Variants in RPS15A observed in about 807,000 individuals in gnomAD.
The protein encoded by RPS15A is small ribosomal subunit protein uS8.
For synonymous variants in RPS15A, 55 were observed against 58.5 expected (o/e 0.94, Z 0.27); for missense variants, 62 against 163.4 (o/e 0.38, Z 3.38).
intron 4 of RPS15A, 141 bp downstream of exon 4, chr16:18,784,597 C>G: frequency 1.5e-6 from 1 of 668,194 alleles, no homozygotes; most frequent in Admixed American, 2.7e-5. Context: ...AACACTTGAG[C>G]TATTAGGTCA....
chr16:18,787,022 G>A (rs1269151336), intron 3 of RPS15A, among the ~76,000 whole-genome samples: 1 of 152,126 alleles, frequency 6.6e-6, no homozygotes, highest in Non-Finnish European at 1.5e-5. Flanking sequence ...CCGCCACTGC[G>A]CCTGGCTAGT....
intron 2 of RPS15A, chr16:18,788,493 CT>C (rs1209438434): frequency 0.042 from 7,484 of 179,822 alleles, no homozygotes; most frequent in South Asian, 0.12. Context: ...TCCTTTCTTT[CT>C]TTTTTTTTTT....
intron 4 of RPS15A, chr16:18,784,234 AC>A (rs1416530528): frequency 6.6e-6 from 1 of 151,896 alleles, no homozygotes; most frequent in East Asian, 2.0e-4. Context: ...AGCCTGGGCA[AC>A]AAAGTGAAAC....
chr16:18,786,254 A>C (rs1387691286), intron 3 of RPS15A: 1 of 228,178 alleles, frequency 4.4e-6, no homozygotes, highest in Non-Finnish European at 9.1e-6. Context: ...AATCTCAGCT[A>C]CTAGGGAGGC....
At chr16:18,783,236 C>T (rs949250814) in intron 4 of RPS15A, 134 bp from the exon 5 acceptor site, 7 of 616,100 alleles carry the variant, frequency 1.1e-5, no homozygotes, top group South Asian at 9.6e-5. Context: ...ACAGTGCCTA[C>T]ATGAGCTGGT....
intron 1 of RPS15A, among the ~76,000 whole-genome samples, chr16:18,789,437 C>G (rs2029975800): frequency 6.6e-6 from 1 of 152,220 alleles, no homozygotes. Flanking sequence ...CACAAGACAA[C>G]GTGAGAACTG....
In RPS15A at chr16:18,787,410, G is replaced by C. The variant is rs562979711; in HGVS notation, c.213+653C>G. Among the ~76,000 whole-genome samples the C allele has an allele frequency of 9.9e-5, 15 of 152,282 alleles. No individual in the cohort carries two copies. In the South Asian group the frequency reaches 3.1e-3, roughly 32 times the overall value. ...AAAACAATACAACAAAATAAGGCAG[G>C]TTGGACAAGCCTGAACTAGAGGATC... On this transcript the variant is annotated intron_variant, in intron 3 of 4. Transcript: ENST00000322989.
At chr16:18,787,708 G>A (rs1280920133) in intron 3 of RPS15A, among the ~76,000 whole-genome samples, 4 of 152,206 alleles carry the variant, frequency 2.6e-5, no homozygotes, top group Non-Finnish European at 4.4e-5. Flanking sequence ...ACATCACTGA[G>A]AGGAAGGACA....
At chr16:18,785,490 T>C (rs1315113882) in intron 3 of RPS15A, 2 of 152,156 alleles carry the variant, frequency 1.3e-5, no homozygotes, top group Non-Finnish European at 2.9e-5. Flanking sequence ...CTCAACTACA[T>C]GCCAGCCCTA....
Position 18,782,911 on chromosome 16 carries a change from C to A in RPS15A, c.*98G>T. 1 of 696,628 alleles carries A rather than the reference C, an allele frequency of 1.4e-6. No homozygotes were observed. The allele number at this position is 696,628 out of a possible 1,614,324, so 43.2% of individuals were successfully genotyped here. The stretch of plus-strand genomic sequence containing the variant: ...TAAACGAAGCAACTGCATGCTGCCG[C>A]AGAAGCTGTGGCTACACTGCTGTAA... On this transcript the variant is annotated 3_prime_UTR_variant, in exon 5 of 5. Transcript: ENST00000322989.
chr16:18,784,797 G>A lies in RPS15A; in HGVS notation c.240C>T (p.Asp80=), dbSNP rs368218356. 7.3e-5 allele frequency: 118 copies of A among 1,611,978 alleles called. No homozygotes were observed. Among genetic ancestry groups the A allele is most frequent in the Middle Eastern group, 1.6e-4 (1 of 6,068 alleles). Residue 80 remains aspartate, a synonymous_variant, in exon 4 of 5, where the codon GAC becomes GAT. Coordinates refer to ENST00000322989, the MANE Select transcript of RPS15A (RefSeq NM_001019.5). ...ATTTTTCCAGGTCTTTGAGTTGCAC[G>A]TCAAATCTGGGGCTGATCACCCCAC... ...NKCGVISPRF[D]VQLKDLEKWQ...
At chr16:18,788,408 C>A in intron 2 of RPS15A, 1 of 442,324 alleles carries the variant, frequency 2.3e-6, no homozygotes. Context: ...TTCCCATTCC[C>A]AAAGACTACT....
In RPS15A at chr16:18,782,937, A is replaced by C. The variant is rs532011624; in HGVS notation, c.*72T>G. The stretch of plus-strand genomic sequence containing the variant: ...AGAAGCTGTGGCTACACTGCTGTAA[A>C]GGCTCAAAACGACCAAGTGGAAGCA... On this transcript the variant is annotated 3_prime_UTR_variant, in exon 5 of 5. Coordinates refer to ENST00000322989, the MANE Select transcript of RPS15A (RefSeq NM_001019.5). The C allele has an allele frequency of 3.2e-4, 290 of 908,828 alleles. No homozygotes were observed. In the East Asian group the frequency reaches 6.6e-3, roughly 21 times the overall value. The allele number at this position is 908,828 out of a possible 1,614,324, so 56.3% of individuals were successfully genotyped here.
At position 18,781,395 on chromosome 16, in the gene RPS15A, G is replaced by C. The variant is rs1437530772; in HGVS notation, c.*1614C>G. 2.6e-5 allele frequency: 4 copies of C among 151,712 alleles called. No individual in the cohort carries two copies. The highest frequency in any genetic ancestry group is 9.7e-5 in the African/African-American group (4 of 41,274). 9.4% of individuals were successfully genotyped at this position (151,712 alleles called of 1,614,324 possible). A position where few individuals can be genotyped will look rare whatever the true frequency, so the allele number is the denominator to read the frequency against. ...GCGACTGAGGCATCCCTACACACCAGGTTTGCAGGCTAGGGACCAGAGACA... is the reference window on the plus strand; with the variant it reads ...GCGACTGAGGCATCCCTACACACCACGTTTGCAGGCTAGGGACCAGAGACA... On this transcript the variant is annotated 3_prime_UTR_variant, in exon 5 of 5. Transcript: ENST00000322989.
In RPS15A at chr16:18,790,236, G is replaced by A. The variant is rs2030006758; in HGVS notation, c.-6+8C>T. 1 of 152,626 alleles carries A rather than the reference G, an allele frequency of 6.6e-6. No individual in the cohort carries two copies. The highest frequency in any genetic ancestry group is 1.5e-5 in the Non-Finnish European group (1 of 68,370). The allele number at this position is 152,626 out of a possible 1,614,324, so 9.5% of individuals were successfully genotyped here. A position where few individuals can be genotyped will look rare whatever the true frequency, so the allele number is the denominator to read the frequency against. On this transcript the variant is annotated splice_region_variant and intron_variant, in intron 1 of 4. Transcript: ENST00000322989. ...GACCAGCCTCCTCGCAGGACACCGA[G>A]ACCGAACCTTAGATTGCAGGATGGC...
In RPS15A at chr16:18,788,100, C is replaced by T; in HGVS notation, c.176G>A (p.Gly59Glu). ...EFEIIDDHRA[G>E]KIVVNLTGRL... ...GCCTGTGAGGTTCACAACAATTTTC[C>T]CAGCTCTGTGGTCATCAATGATTTC... Residue 59 changes from glycine (G) to glutamate (E), a missense_variant, in exon 3 of 5, where the codon GGG (glycine) becomes GAG (glutamate). Physicochemically the swap from Gly to Glu is moderately conservative, Grantham distance 98 (BLOSUM62 -2). Coordinates refer to ENST00000322989, the MANE Select transcript of RPS15A (RefSeq NM_001019.5). 3.1e-6 allele frequency: 5 copies of T among 1,612,614 alleles called. No homozygotes were observed. The highest frequency in any genetic ancestry group is 4.2e-6 in the Non-Finnish European group (5 of 1,178,940).
chr16:18,783,113 GA>G lies in RPS15A; in HGVS notation c.300-12del. 1.3e-6 allele frequency: 2 copies of G among 1,569,404 alleles called. No individual in the cohort carries two copies. The highest frequency in any genetic ancestry group is 1.7e-6 in the Non-Finnish European group (2 of 1,143,172). ...GTCAGTACAATGAAACTATGGAGTG[GA>G]AAAAGAAAGTGCTGGTAAGTTTAAT... On this transcript the variant is annotated splice_polypyrimidine_tract_variant and intron_variant, in intron 4 of 4. Coordinates refer to ENST00000322989, the MANE Select transcript of RPS15A (RefSeq NM_001019.5).
intron 3 of RPS15A, chr16:18,786,260 G>A (rs1173293422): frequency 8.9e-6 from 2 of 224,024 alleles, no homozygotes; most frequent in South Asian, 4.2e-5. Flanking sequence ...AGCTACTAGG[G>A]AGGCTGAGGC....
In RPS15A at chr16:18,789,108, C is replaced by T; in HGVS notation, c.6G>A (p.Val2=). The change falls in exon 2 of 5, where the codon GTG becomes GTA. Residue 2 remains valine (V), a synonymous_variant. Coordinates refer to ENST00000322989, the MANE Select transcript of RPS15A (RefSeq NM_001019.5). ...GAGCATCTGCCAGGACATTCATGCG[C>T]ACCATTGTGGCTGTTCAAGGAAGAC... The part of the protein sequence containing the change: M[V]RMNVLADALK... 2 of 1,612,818 alleles carry T rather than the reference C, an allele frequency of 1.2e-6. No homozygotes were observed. Among genetic ancestry groups the T allele is most frequent in the Non-Finnish European group, 8.5e-7 (1 of 1,179,524 alleles).
Sources: gnomAD v4.1 joint callset for allele counts (sites outside exome capture counted in the v4.1 genomes callset) on GRCh38, gnomAD v4.1.1 for gene constraint, MANE v1.5 for transcripts, NCBI Gene and HGNC (gene_info 2026-07-23, HGNC 2026-07-21) for gene names.